The following GRK2 variants were observed in gnomAD, a reference collection of about 807,000 sequenced individuals.
GRK2 encodes the protein G protein-coupled receptor kinase 2.
In GRK2, 23 loss-of-function variants were observed where a neutral mutation model predicts 97.8. That is an observed-to-expected ratio of 0.24 (90% CI 0.17 to 0.33). The LOEUF (loss-of-function observed/expected upper bound fraction) is 0.33, where lower values mean the gene tolerates loss of function less well. GRK2 is among the 10% of genes least tolerant of loss of function. The pLI is 1.00. For synonymous variants in GRK2, 425 were observed against 381.7 expected (o/e 1.11, Z -1.32); for missense variants, 633 against 956.9 (o/e 0.66, Z 4.47).
chr11:67,281,712 C>T lies in GRK2; in HGVS notation c.810C>T (p.Ile270=). ...ACACGCCAGACAAGCTCAGCTTCAT[C>T]CTGGACCTCATGAACGGTGAGTGCT... ...AFHTPDKLSF[I]LDLMNGGDLH... Residue 270 remains isoleucine (I), a synonymous_variant, in exon 10 of 21, where the codon ATC becomes ATT. Coordinates refer to ENST00000308595, the MANE Select transcript of GRK2 (RefSeq NM_001619.5). This position sits in a 1 kb window ranked among gnomAD's most constrained non-coding sequence, Gnocchi z 5.7. 1 of 1,599,724 alleles carries T rather than the reference C, an allele frequency of 6.3e-7. No homozygotes were observed.
At chr11:67,272,103 C>T (rs1859922305) in intron 1 of GRK2, among the ~76,000 whole-genome samples, 1 of 152,210 alleles carries the variant, frequency 6.6e-6, no homozygotes, top group Non-Finnish European at 1.5e-5. Context: ...AAGCATGGCC[C>T]CTGGCTGCCA....
At chr11:67,273,485 TGTGCTCGCCC>T (rs1470284355) in intron 1 of GRK2, among the ~76,000 whole-genome samples, 1 of 152,196 alleles carries the variant, frequency 6.6e-6, no homozygotes, top group Non-Finnish European at 1.5e-5. Flanking sequence ...GTCCCACCCC[TGTGCTCGCCC>T]GTGCTTGCCA....
Position 67,281,495 on chromosome 11 carries a change from G to A in GRK2, c.684G>A (p.Lys228=). The A allele has an allele frequency of 6.2e-7, 1 of 1,613,776 alleles. No homozygotes were observed. ...AMKCLDKKRI[K]MKQGETLALN... ...AGTGCCTGGACAAAAAGCGCATCAA[G>A]ATGAAGCAGGGGGAGACCCTGGCCC... The change falls in exon 9 of 21, where the codon AAG becomes AAA. Residue 228 remains lysine, a synonymous_variant. Transcript: ENST00000308595. This position sits in a 1 kb window ranked among gnomAD's most constrained non-coding sequence, Gnocchi z 5.7.
Position 67,269,728 on chromosome 11 carries a change from A to T in GRK2, c.113+2916A>T, listed in dbSNP as rs1859869957. 6.6e-6 allele frequency among the ~76,000 whole-genome samples: 1 copy of T among 152,204 alleles called. No homozygotes were observed. The highest frequency in any genetic ancestry group is 6.5e-5 in the Admixed American group (1 of 15,290). ...AGAGGGGCTGTGGCTTGTCCCAGTG[A>T]CAGGTTGCCACTGGGAATTGTTCAT... is the stretch of plus-strand genomic sequence containing the variant. On this transcript the variant is annotated intron_variant, in intron 1 of 20. Transcript: ENST00000308595. The surrounding 1 kb of genome is among the most constrained non-coding windows in gnomAD (Gnocchi z 4.1).
rs769781311 is a variant in GRK2, at chr11:67,284,169, C to T, written c.1492-42C>T. 1.2e-5 allele frequency: 19 copies of T among 1,609,482 alleles called. No individual in the cohort carries two copies. The Admixed American group carries it at 3.2e-4, about 27-fold the overall frequency. On this transcript the variant is annotated intron_variant, in intron 17 of 20. Transcript: ENST00000308595. ...CCTGTGGCTGATGGTATTCCGGCAT[C>T]TCTGTCCACCCATGTGCCCCTGCCC...
intron 17 of GRK2, 33 bp from the exon 18 acceptor site, chr11:67,284,178 C>T: frequency 1.2e-6 from 2 of 1,612,208 alleles, no homozygotes; most frequent in Non-Finnish European, 1.7e-6. Flanking sequence ...TCTCTGTCCA[C>T]CCATGTGCCC....
rs746857141 is a variant in GRK2 at position 67,282,727 on chromosome 11, T to C, written c.1161-25T>C. The C allele has an allele frequency of 6.2e-7, 1 of 1,610,420 alleles. No individual in the cohort carries two copies. The highest frequency in any genetic ancestry group is 1.7e-5 in the Admixed American group (1 of 59,846). On this transcript the variant is annotated intron_variant, in intron 13 of 20. Coordinates refer to ENST00000308595, the MANE Select transcript of GRK2 (RefSeq NM_001619.5). The surrounding 1 kb of genome is among the most constrained non-coding windows in gnomAD (Gnocchi z 6.9). Reference sequence around the variant, plus strand: ...CTTTCCCCATTCCTGTCCTTTGACATTGGTTTTTGGCCTTTCTTGCCCAGG... The same window carrying C: ...CTTTCCCCATTCCTGTCCTTTGACACTGGTTTTTGGCCTTTCTTGCCCAGG...
At position 67,281,155 on chromosome 11, in the gene GRK2, T is replaced by C. The variant is rs1252495606; in HGVS notation, c.618T>C (p.Tyr206=). 1 of 1,613,400 alleles carries C rather than the reference T, an allele frequency of 6.2e-7. No homozygotes were observed. The highest frequency in any genetic ancestry group is 1.7e-5 in the Admixed American group (1 of 59,986). Residue 206 remains tyrosine (Y), a synonymous_variant, in exon 8 of 21, where the codon TAT becomes TAC. Coordinates refer to ENST00000308595, the MANE Select transcript of GRK2 (RefSeq NM_001619.5). The surrounding 1 kb of genome is among the most constrained non-coding windows in gnomAD (Gnocchi z 5.7). ...IIGRGGFGEV[Y]GCRKADTGKM... ...GGCGCGGGGGCTTTGGCGAGGTCTA[T>C]GGGTGCCGGAAGGCTGACACAGGCA...
chr11:67,273,400 G>A (rs941689018), intron 1 of GRK2, among the ~76,000 whole-genome samples: 1 of 152,202 alleles, frequency 6.6e-6, no homozygotes, highest in African/African-American at 2.4e-5. Flanking sequence ...GACACGCTCT[G>A]GGCTCACTGC....
rs201211216 is a variant in GRK2, at chr11:67,283,847, G to C, written c.1396-7G>C. The C allele has an allele frequency of 6.2e-7, 1 of 1,612,798 alleles. No individual in the cohort carries two copies. The highest frequency in any genetic ancestry group is 1.7e-5 in the Admixed American group (1 of 59,994). ...AGCTAATGCCCATGACCCCTGTTCTGCTGCAGTACCCTCCCCCGCTGATCC... is the reference window on the plus strand; with the variant it reads ...AGCTAATGCCCATGACCCCTGTTCTCCTGCAGTACCCTCCCCCGCTGATCC... On this transcript the variant is annotated splice_polypyrimidine_tract_variant and splice_region_variant and intron_variant, in intron 16 of 20. Coordinates refer to ENST00000308595, the MANE Select transcript of GRK2 (RefSeq NM_001619.5).
Position 67,283,242 on chromosome 11 carries a change from C to T in GRK2, c.1328+14C>T, listed in dbSNP as rs377515693. Reference sequence around the variant, plus strand: ...CCTGGGCCGAGGGTGAGTACCCTGGCGCCTTGGGCATGCTGCTGGCTGTGC... The same window carrying T: ...CCTGGGCCGAGGGTGAGTACCCTGGTGCCTTGGGCATGCTGCTGGCTGTGC... On this transcript the variant is annotated intron_variant, in intron 15 of 20. Transcript: ENST00000308595. 57 of 1,609,108 alleles carry T rather than the reference C, an allele frequency of 3.5e-5. 1 individual carries two copies. The highest frequency in any genetic ancestry group is 2.2e-4 in the South Asian group (20 of 91,010).
intron 1 of GRK2, among the ~76,000 whole-genome samples, chr11:67,275,915 C>G (rs1256902524): frequency 6.6e-6 from 1 of 152,116 alleles, no homozygotes; most frequent in Non-Finnish European, 1.5e-5. Flanking sequence ...CTGTTTGGAG[C>G]AGGGGGTGGC....
intron 1 of GRK2, among the ~76,000 whole-genome samples, chr11:67,272,699 A>C (rs1859935939): frequency 6.6e-6 from 1 of 152,162 alleles, no homozygotes; most frequent in Non-Finnish European, 1.5e-5. Flanking sequence ...CTCCTTCCCA[A>C]AGCTGGGTGG....
chr11:67,283,865 G>A lies in GRK2; in HGVS notation c.1407G>A (p.Pro469=), dbSNP rs755199751. 2.7e-5 allele frequency: 44 copies of A among 1,612,822 alleles called. No homozygotes were observed. In the South Asian group the frequency reaches 3.4e-4, roughly 12 times the overall value. ...QMVFLQKYPP[P]LIPPRGEVNA... ...CTGTTCTGCTGCAGTACCCTCCCCC[G>A]CTGATCCCCCCACGAGGGGAGGTGA... Residue 469 remains proline, a synonymous_variant, in exon 17 of 21, where the codon CCG becomes CCA. Transcript: ENST00000308595.
Position 67,281,451 on chromosome 11 carries a change from C to T in GRK2, c.648-8C>T, listed in dbSNP as rs1349876475. 3.7e-6 allele frequency: 6 copies of T among 1,612,940 alleles called. No individual in the cohort carries two copies. The Admixed American group carries it at 6.7e-5, about 18-fold the overall frequency. On this transcript the variant is annotated splice_polypyrimidine_tract_variant and splice_region_variant and intron_variant, in intron 8 of 20. Coordinates refer to ENST00000308595, the MANE Select transcript of GRK2 (RefSeq NM_001619.5). This position sits in a 1 kb window ranked among gnomAD's most constrained non-coding sequence, Gnocchi z 5.7. ...GGTGGGTGTTGACTGCCGACCTCTG[C>T]CCCGTAGGTACGCCATGAAGTGCCT...
intron 1 of GRK2, among the ~76,000 whole-genome samples, chr11:67,273,056 T>C (rs1859944930): frequency 6.6e-6 from 1 of 152,226 alleles, no homozygotes; most frequent in African/African-American, 2.4e-5. Flanking sequence ...GCCTGGCATA[T>C]TAGAAGCCCT....
At chr11:67,278,395 G>C (rs1301464984) in intron 2 of GRK2, among the ~76,000 whole-genome samples, 2 of 152,154 alleles carry the variant, frequency 1.3e-5, no homozygotes, top group Non-Finnish European at 2.9e-5. Context: ...ACTCAGGCAT[G>C]AGGACACCCT....
At position 67,279,266 on chromosome 11, in the gene GRK2, A is replaced by G. The variant is rs1479398275; in HGVS notation, c.257A>G (p.Tyr86Cys). ...LEEARPLVEF[Y>C]EEIKKYEKLE... The stretch of plus-strand genomic sequence containing the variant: ...GAGGCCAGGCCCTTGGTGGAATTCT[A>G]TGAGGAGGTGAGACCCAGAGGCCCA... Residue 86 changes from tyrosine (Y) to cysteine (C), a missense_variant, in exon 3 of 21, where the codon TAT becomes TGT. This residue lies in a region of GRK2 where 193 missense variants were observed against 212.2 expected (regional missense o/e 0.91). Transcript: ENST00000308595. 5 of 1,613,282 alleles carry G rather than the reference A, an allele frequency of 3.1e-6. No individual in the cohort carries two copies. The highest frequency in any genetic ancestry group is 2.5e-6 in the Non-Finnish European group (3 of 1,179,926).
At chr11:67,274,372 C>T (rs1859977687) in intron 1 of GRK2, among the ~76,000 whole-genome samples, 2 of 152,138 alleles carry the variant, frequency 1.3e-5, no homozygotes, top group South Asian at 4.2e-4. Context: ...GGGCTTACTG[C>T]TGAAGCCCGG....
Sources: allele counts gnomAD v4.1 joint callset (sites outside exome capture counted in the v4.1 genomes callset), GRCh38; gene constraint gnomAD v4.1.1; regional missense constraint gnomAD v4.1.1; non-coding constraint Gnocchi (gnomAD v3.1); transcripts MANE v1.5; gene names NCBI Gene and HGNC (gene_info 2026-07-23, HGNC 2026-07-21).